NPR2: variants seen among roughly 807,000 people sequenced by gnomAD.
The protein encoded by NPR2 is natriuretic peptide receptor 2.
NPR2 carries 49 observed loss-of-function variants against 120.7 expected under a neutral mutation model. The observed-to-expected ratio is 0.41, with a 90% confidence interval of 0.32 to 0.52. The LOEUF is 0.52. Among genes scored for constraint, NPR2 ranks in the 20% least tolerant of loss-of-function variants. The pLI is 0.36. For missense variants in NPR2, 931 were observed against 1,362.9 expected (o/e 0.68, Z 4.99); for synonymous variants, 484 against 519.8 (o/e 0.93, Z 0.94).
In NPR2 at chr9:35,807,319, A is replaced by AT. The variant is rs1828453963; in HGVS notation, c.2644-10dup. On this transcript the variant is annotated splice_polypyrimidine_tract_variant and intron_variant, in intron 17 of 21. Coordinates refer to ENST00000342694, the MANE Select transcript of NPR2 (RefSeq NM_003995.4). Reference sequence around the variant, plus strand: ...CAAGTCTCAGGGCCTCTGCTTTTCTATCCCTTTTAGGTAGTGACACTTCTT... The same window carrying AT: ...CAAGTCTCAGGGCCTCTGCTTTTCTATTCCCTTTTAGGTAGTGACACTTCTT... 2.5e-6 allele frequency: 4 copies of AT among 1,610,824 alleles called. No individual in the cohort carries two copies. The African/African-American group carries it at 5.3e-5, about 21-fold the overall frequency.
chr9:35,794,117 C>T lies in NPR2; in HGVS notation c.873+14C>T. 6.2e-7 allele frequency: 1 copy of T among 1,610,036 alleles called. No homozygotes were observed. The highest frequency in any genetic ancestry group is 1.1e-5 in the South Asian group (1 of 90,928). ...GAGGCCTTTCAGGTATCATTTGAGC[C>T]AAATCTGAAGGAGGAGGGGGAAGAG... On this transcript the variant is annotated intron_variant, in intron 2 of 21. Transcript: ENST00000342694.
chr9:35,801,544 C>T (rs1225454961), intron 7 of NPR2, 99 bp from the exon 8 acceptor site: 4 of 1,282,072 alleles, frequency 3.1e-6, no homozygotes, highest in East Asian at 2.3e-5. Context: ...GTAACAGTTG[C>T]AGCTTCAGGA....
In NPR2 at chr9:35,792,652, C is replaced by T. The variant is rs376736547; in HGVS notation, c.244C>T (p.Leu82=). The part of the protein sequence containing the change: ...EGACSEYLAP[L]SAVDLKLYHD... ...CGCCTGCTCTGAGTACCTGGCACCG[C>T]TGAGCGCTGTGGACCTCAAGCTGTA... Residue 82 remains leucine, a synonymous_variant, in exon 1 of 22, where the codon CTG becomes TTG. Coordinates refer to ENST00000342694, the MANE Select transcript of NPR2 (RefSeq NM_003995.4). 1.4e-5 allele frequency: 22 copies of T among 1,614,004 alleles called. No homozygotes were observed. The highest frequency in any genetic ancestry group is 1.5e-5 in the Non-Finnish European group (18 of 1,180,048).
intron 1 of NPR2, 61 bp downstream of exon 1, chr9:35,793,136 C>G: frequency 6.8e-7 from 1 of 1,480,442 alleles, no homozygotes; most frequent in Non-Finnish European, 9.0e-7. Flanking sequence ...CCCTAAAGCT[C>G]AGCACTGGGG....
Position 35,808,237 on chromosome 9 carries a change from T to C in NPR2, c.2713-272T>C, listed in dbSNP as rs764763092. The C allele has an allele frequency of 8.7e-6, 14 of 1,614,228 alleles. No individual in the cohort carries two copies. The highest frequency in any genetic ancestry group is 1.3e-5 in the African/African-American group (1 of 75,060). On this transcript the variant is annotated intron_variant, in intron 18 of 21. Transcript: ENST00000342694. The surrounding 1 kb of genome is among the most constrained non-coding windows in gnomAD (Gnocchi z 4.0). ...TCCCATTTCCTGATGGCAGAGCCTA[T>C]TTGTCCATGTCCTGCTGCAGACAGG...
At position 35,794,109 on chromosome 9, in the gene NPR2, A is replaced by G. The variant is rs752167206; in HGVS notation, c.873+6A>G. 4.3e-6 allele frequency: 7 copies of G among 1,611,984 alleles called. No individual in the cohort carries two copies. The highest frequency in any genetic ancestry group is 5.1e-6 in the Non-Finnish European group (6 of 1,178,452). The stretch of plus-strand genomic sequence containing the variant: ...CCCTCAGAGAGGCCTTTCAGGTATC[A>G]TTTGAGCCAAATCTGAAGGAGGAGG... On this transcript the variant is annotated splice_donor_region_variant and intron_variant, in intron 2 of 21. Coordinates refer to ENST00000342694, the MANE Select transcript of NPR2 (RefSeq NM_003995.4).
chr9:35,805,710 T>A lies in NPR2; in HGVS notation c.2047+40T>A. On this transcript the variant is annotated intron_variant, in intron 13 of 21. Transcript: ENST00000342694. The surrounding 1 kb of genome is among the most constrained non-coding windows in gnomAD (Gnocchi z 4.9). The stretch of plus-strand genomic sequence containing the variant: ...CACAACCCACTTTTTATATTGCTCC[T>A]CTTTCCACCTAGGGATGGTGGGAGA... 6.2e-7 allele frequency: 1 copy of A among 1,612,554 alleles called. No homozygotes were observed. Among genetic ancestry groups the A allele is most frequent in the Non-Finnish European group, 8.5e-7 (1 of 1,179,060 alleles).
At chr9:35,804,622 A>C (rs1298392941) in intron 12 of NPR2, among the ~76,000 whole-genome samples, 1 of 152,226 alleles carries the variant, frequency 6.6e-6, no homozygotes, top group Non-Finnish European at 1.5e-5. Flanking sequence ...GCACTGGCTT[A>C]GCAGATTTTG....
At chr9:35,803,500 A>T (rs1289690457) in intron 12 of NPR2, among the ~76,000 whole-genome samples, 1 of 152,238 alleles carries the variant, frequency 6.6e-6, no homozygotes, top group Non-Finnish European at 1.5e-5. Context: ...TCTGACCAAT[A>T]TTTGGCATGT....
intron 3 of NPR2, 62 bp downstream of exon 3, chr9:35,799,793 A>C: frequency 6.8e-7 from 1 of 1,472,054 alleles, no homozygotes. Context: ...TTCTCTCCCA[A>C]ACTCAGCATC....
Position 35,801,635 on chromosome 9 carries a change from C to T in NPR2, c.1437-8C>T, listed in dbSNP as rs1456473770. The stretch of plus-strand genomic sequence containing the variant: ...TTGCCAGTCAACTGAGGTGTGCAGT[C>T]CTTACAGAAAGCTGATGCTGGAGAA... On this transcript the variant is annotated splice_polypyrimidine_tract_variant and splice_region_variant and intron_variant, in intron 7 of 21. Transcript: ENST00000342694. The T allele has an allele frequency of 1.2e-6, 2 of 1,613,962 alleles. No homozygotes were observed. Among genetic ancestry groups the T allele is most frequent in the Non-Finnish European group, 1.7e-6 (2 of 1,179,986 alleles).
intron 2 of NPR2, among the ~76,000 whole-genome samples, chr9:35,798,080 T>G (rs543796737): frequency 1.2e-4 from 18 of 152,244 alleles, no homozygotes; most frequent in Non-Finnish European, 1.5e-4. Context: ...TAATAATTTT[T>G]AAGAGTATAA....
chr9:35,802,414 G>A lies in NPR2; in HGVS notation c.1711-89G>A. 1 of 960,022 alleles carries A rather than the reference G, an allele frequency of 1.0e-6. No individual in the cohort carries two copies. Among genetic ancestry groups the A allele is most frequent in the Non-Finnish European group, 1.7e-6 (1 of 585,186 alleles). The allele number at this position is 960,022 out of a possible 1,614,324, so 59.5% of individuals were successfully genotyped here. A position where few individuals can be genotyped will look rare whatever the true frequency, so the allele number is the denominator to read the frequency against. On this transcript the variant is annotated intron_variant, in intron 10 of 21. Transcript: ENST00000342694. The surrounding 1 kb of genome is among the most constrained non-coding windows in gnomAD (Gnocchi z 4.2). Reference sequence around the variant, plus strand: ...TTTAAAATCGTAGATACAACTAAGAGAAAGGTCCTCTTATGTAGTGGTAAG... The same window carrying A: ...TTTAAAATCGTAGATACAACTAAGAAAAAGGTCCTCTTATGTAGTGGTAAG...
chr9:35,794,198 C>T, intron 2 of NPR2, 95 bp downstream of exon 2: 1 of 1,214,960 alleles, frequency 8.2e-7, no homozygotes, highest in South Asian at 1.5e-5. Context: ...AGGAACCAGG[C>T]AGGAATTGTG....
chr9:35,794,753 T>C (rs1827896213), intron 2 of NPR2, among the ~76,000 whole-genome samples: 1 of 152,062 alleles, frequency 6.6e-6, no homozygotes, highest in African/African-American at 2.4e-5. Flanking sequence ...ATACAGGAAA[T>C]AAAGTTGCAA....
Position 35,792,839 on chromosome 9 carries a change from C to T in NPR2, c.431C>T (p.Pro144Leu). 6.2e-7 allele frequency: 1 copy of T among 1,614,218 alleles called. No individual in the cohort carries two copies. Among genetic ancestry groups the T allele is most frequent in the Non-Finnish European group, 8.5e-7 (1 of 1,180,034 alleles). ...TATCGTACCCTGGTTCGCACTGGCC[C>T]CTCTGCTCCCAAGCTGGGTGAGTTT... is the stretch of plus-strand genomic sequence containing the variant. ...DHYRTLVRTG[P>L]SAPKLGEFVV... The change falls in exon 1 of 22, where the codon CCC becomes CTC. Residue 144 changes from proline to leucine, a missense_variant. Transcript: ENST00000342694.
intron 2 of NPR2, among the ~76,000 whole-genome samples, chr9:35,796,383 T>C (rs909382133): frequency 1.3e-5 from 2 of 152,172 alleles, no homozygotes; most frequent in African/African-American, 2.4e-5. Flanking sequence ...TGGGGTCTTA[T>C]CATGTTGCCC....
chr9:35,797,113 C>T (rs1827968750), intron 2 of NPR2, among the ~76,000 whole-genome samples: 1 of 152,190 alleles, frequency 6.6e-6, no homozygotes, highest in Non-Finnish European at 1.5e-5. Flanking sequence ...TCATGCTCAT[C>T]TTCATATTCC....
In NPR2 at chr9:35,809,313, G is replaced by A; in HGVS notation, c.3078+66G>A. On this transcript the variant is annotated intron_variant, in intron 21 of 21. Coordinates refer to ENST00000342694, the MANE Select transcript of NPR2 (RefSeq NM_003995.4). This position sits in a 1 kb window ranked among gnomAD's most constrained non-coding sequence, Gnocchi z 4.1. The stretch of plus-strand genomic sequence containing the variant: ...GTGAAAGTGATTATGGGAATCATAG[G>A]GAAAGAGAGGGAGACAAAGGGACTA... The A allele has an allele frequency of 1.9e-6, 3 of 1,610,544 alleles. No homozygotes were observed. Among genetic ancestry groups the A allele is most frequent in the Non-Finnish European group, 2.5e-6 (3 of 1,177,044 alleles).
Sources: gnomAD v4.1 joint callset for allele counts (sites outside exome capture counted in the v4.1 genomes callset) on GRCh38, gnomAD v4.1.1 for gene constraint, Gnocchi (gnomAD v3.1) non-coding constraint, MANE v1.5 for transcripts, NCBI Gene and HGNC (gene_info 2026-07-23, HGNC 2026-07-21) for gene names.